The following GYG1 variants were observed in gnomAD, a reference collection of about 807,000 sequenced individuals.
GYG1 encodes glycogenin 1.
GYG1 carries 44 observed loss-of-function variants against 41.9 expected under a neutral mutation model. The ratio of observed to expected loss-of-function variants is 1.05; its 90% CI spans 0.83 to 1.35. The LOEUF (loss-of-function observed/expected upper bound fraction) is 1.35. GYG1 is among the 40% of genes most tolerant of loss of function. GYG1 has a pLI of 0.00. For synonymous variants in GYG1, 141 were observed against 158.1 expected (o/e 0.89, Z 0.81); for missense variants, 429 against 418.9 (o/e 1.02, Z -0.21).
Position 149,026,510 on chromosome 3 carries a change from GAACTTAAAGAT to G in GYG1, c.879+9_879+19del. On this transcript the variant is annotated intron_variant, in intron 7 of 7. Transcript: ENST00000345003. The stretch of plus-strand genomic sequence containing the variant: ...TGTGGCTTCTGTAGAAAGGTATGCA[GAACTTAAAGAT>G]TAACCCTAATTACTTTGTTCTCCCA... 1 of 1,566,816 alleles carries G rather than the reference GAACTTAAAGAT, an allele frequency of 6.4e-7. No individual in the cohort carries two copies. Among genetic ancestry groups the G allele is most frequent in the Non-Finnish European group, 8.8e-7 (1 of 1,136,874 alleles).
intron 5 of GYG1, among the ~76,000 whole-genome samples, chr3:149,023,202 A>G (rs1046695359): frequency 1.1e-4 from 17 of 152,148 alleles, no homozygotes; most frequent in African/African-American, 4.1e-4. Context: ...GAAATAAGCA[A>G]TGCTTCTGTA....
intron 4 of GYG1, among the ~76,000 whole-genome samples, chr3:149,001,956 A>C (rs1029523316): frequency 6.6e-6 from 1 of 152,180 alleles, no homozygotes; most frequent in Admixed American, 6.6e-5. Flanking sequence ...CTCATTTTAC[A>C]AATGAAGGAA....
intron 4 of GYG1, among the ~76,000 whole-genome samples, chr3:149,005,684 A>G (rs954054994): frequency 3.9e-5 from 6 of 152,234 alleles, no homozygotes; most frequent in Non-Finnish European, 7.3e-5. Context: ...AAAAGGCCAT[A>G]ATCTCTGTTC....
At position 149,029,214 on chromosome 3, in the gene GYG1, C is replaced by T. The variant is rs940111884; in HGVS notation, c.*2281C>T. Reference sequence around the variant, plus strand: ...ACTAACTTTTCCATGTAAAGCTATACAAATATTGGAAAATCTTTTCTAGGG... The same window carrying T: ...ACTAACTTTTCCATGTAAAGCTATATAAATATTGGAAAATCTTTTCTAGGG... On this transcript the variant is annotated 3_prime_UTR_variant, in exon 8 of 8. Coordinates refer to ENST00000345003, the MANE Select transcript of GYG1 (RefSeq NM_004130.4). 3.9e-5 allele frequency among the ~76,000 whole-genome samples: 6 copies of T among 152,152 alleles called. No individual in the cohort carries two copies. Among genetic ancestry groups the T allele is most frequent in the African/African-American group, 1.4e-4 (6 of 41,414 alleles).
rs955858236 is a variant in GYG1, at chr3:149,025,312, T to G, written c.828+1040T>G. 1.3e-5 allele frequency among the ~76,000 whole-genome samples: 2 copies of G among 152,198 alleles called. 1 individual carries two copies. Among genetic ancestry groups the G allele is most frequent in the South Asian group, 4.1e-4 (2 of 4,826 alleles). ...GAGCACACAACCTAGATCCGTTGCA[T>G]GCACAGTTTACAATAGAGTTCACGC... is the stretch of plus-strand genomic sequence containing the variant. On this transcript the variant is annotated intron_variant, in intron 6 of 7. Coordinates refer to ENST00000345003, the MANE Select transcript of GYG1 (RefSeq NM_004130.4).
intron 2 of GYG1, among the ~76,000 whole-genome samples, chr3:148,995,603 A>G (rs2107886168): frequency 6.6e-6 from 1 of 152,324 alleles, no homozygotes; most frequent in East Asian, 1.9e-4. Flanking sequence ...GACTTTGGTC[A>G]GTGATTCTCC....
chr3:149,023,558 C>T (rs1714482462), intron 5 of GYG1, among the ~76,000 whole-genome samples: 2 of 152,158 alleles, frequency 1.3e-5, no homozygotes, highest in Admixed American at 1.3e-4. Context: ...CTGTTCTGTC[C>T]ACAATGGATT....
rs1485157916 is a variant in GYG1, at chr3:149,027,066, T to A, written c.*133T>A. 1.1e-6 allele frequency: 1 copy of A among 917,262 alleles called. No homozygotes were observed. The highest frequency in any genetic ancestry group is 2.2e-5 in the Admixed American group (1 of 46,462). 56.8% of individuals were successfully genotyped at this position (917,262 alleles called of 1,614,324 possible). ...ATTAAAACTTATCAGATGAGAGGCT[T>A]TTTTAGGATAAGAGGTGAGAACTGG... On this transcript the variant is annotated 3_prime_UTR_variant, in exon 8 of 8. Transcript: ENST00000345003.
rs373826944 is a variant in GYG1 at position 149,007,439 on chromosome 3, CAG to C, written c.482-1836_482-1835del. ...CGTCCTTTGAGGAACAGAGACCTGT[CAG>C]GGGTGCTGTTTAAGGAGGGGTTTCC... is the stretch of plus-strand genomic sequence containing the variant. On this transcript the variant is annotated intron_variant, in intron 4 of 7. Transcript: ENST00000345003. Among the ~76,000 whole-genome samples, 239 of 152,302 alleles carry C rather than the reference CAG, an allele frequency of 1.6e-3. 2 individuals carry two copies. Among genetic ancestry groups the C allele is most frequent in the African/African-American group, 5.7e-3 (235 of 41,560 alleles).
At chr3:149,022,800 G>C (rs947775559) in intron 5 of GYG1, among the ~76,000 whole-genome samples, 3 of 151,868 alleles carry the variant, frequency 2.0e-5, no homozygotes, top group Non-Finnish European at 4.4e-5. Context: ...GGCCTGTTTT[G>C]ACTTTATGTA....
chr3:149,009,396 T>C lies in GYG1; in HGVS notation c.602T>C (p.Phe201Ser). ...TCTATATACTCCTACCTCCCGGCAT[T>C]TAAAGTGTAAGTGCAGATGGTTTAA... ...SISIYSYLPA[F>S]KVFGASAKVV... The change falls in exon 5 of 8, where the codon TTT becomes TCT. Residue 201 changes from phenylalanine (F) to serine (S), a missense_variant. Transcript: ENST00000345003. 1 of 1,613,860 alleles carries C rather than the reference T, an allele frequency of 6.2e-7. No homozygotes were observed. The highest frequency in any genetic ancestry group is 1.7e-5 in the Admixed American group (1 of 60,016).
At chr3:149,022,481 C>CT (rs1233728338) in intron 5 of GYG1, among the ~76,000 whole-genome samples, 1 of 92,492 alleles carries the variant, frequency 1.1e-5, no homozygotes. Context: ...TAAACAGTAC[C>CT]TTTTTTCTTG....
At chr3:149,016,294 AAAG>A (rs1187319090) in intron 5 of GYG1, among the ~76,000 whole-genome samples, 41 of 151,486 alleles carry the variant, frequency 2.7e-4, no homozygotes, top group African/African-American at 9.7e-4. Context: ...GAAAAAAAAA[AAAG>A]AGCCAGGACA....
At chr3:148,991,720 T>G (rs917072018) in intron 1 of GYG1, 73 bp downstream of exon 1, 5 of 1,200,434 alleles carry the variant, frequency 4.2e-6, no homozygotes, top group Admixed American at 2.1e-5. Context: ...TCCCTTCTCC[T>G]CCGCCCTCAG....
intron 5 of GYG1, among the ~76,000 whole-genome samples, chr3:149,012,737 C>T (rs1713801309): frequency 6.6e-6 from 1 of 151,976 alleles, no homozygotes; most frequent in Non-Finnish European, 1.5e-5. Flanking sequence ...GGAAGATCCT[C>T]TTTAACACGG....
At chr3:148,995,790 G>A (rs992363487) in intron 2 of GYG1, among the ~76,000 whole-genome samples, 1 of 152,218 alleles carries the variant, frequency 6.6e-6, no homozygotes, top group African/African-American at 2.4e-5. Context: ...CTACCCTACC[G>A]ATCCACCATA....
chr3:149,009,775 G>T (rs970952460), intron 5 of GYG1, among the ~76,000 whole-genome samples: 1 of 152,176 alleles, frequency 6.6e-6, no homozygotes, highest in South Asian at 2.1e-4. Flanking sequence ...GCTGAGCTTT[G>T]GTTTCCTTCA....
chr3:149,016,010 C>T (rs973594229), intron 5 of GYG1, among the ~76,000 whole-genome samples: 2 of 151,400 alleles, frequency 1.3e-5, no homozygotes. Flanking sequence ...CGCCTGTAAT[C>T]CCAGCACTTT....
At position 149,002,285 on chromosome 3, in the gene GYG1, A is replaced by G. The variant is rs569928565; in HGVS notation, c.481+5381A>G. ...GAGACCTTACAGACATCTAACAACT[A>G]ATACACAGTTATGTAATCATGATTC... On this transcript the variant is annotated intron_variant, in intron 4 of 7. Coordinates refer to ENST00000345003, the MANE Select transcript of GYG1 (RefSeq NM_004130.4). Among the ~76,000 whole-genome samples, 49 of 152,346 alleles carry G rather than the reference A, an allele frequency of 3.2e-4. 1 individual carries two copies. In the South Asian group the frequency reaches 9.7e-3, roughly 30 times the overall value.
Sources: gnomAD v4.1 joint callset for allele counts (sites outside exome capture counted in the v4.1 genomes callset) on GRCh38, gnomAD v4.1.1 for gene constraint, MANE v1.5 for transcripts, NCBI Gene and HGNC (gene_info 2026-07-23, HGNC 2026-07-21) for gene names.